The following TMEM38B variants were observed in gnomAD, a reference collection of about 807,000 sequenced individuals.
TMEM38B encodes trimeric intracellular cation channel type B.
Under a neutral mutation model 28.7 loss-of-function variants are expected in TMEM38B, and 24 were observed. That is an observed-to-expected ratio of 0.84 (90% CI 0.61 to 1.18). TMEM38B has a LOEUF of 1.18. Ranked by LOEUF, TMEM38B falls within the 50% of genes most tolerant of loss-of-function variation. The probability of loss-of-function intolerance (pLI) is 0.00; values close to 1 mark genes in which losing one functional copy is unlikely to be tolerated. For synonymous variants in TMEM38B, 131 were observed against 127.7 expected (o/e 1.03, Z -0.17); for missense variants, 380 against 350.9 (o/e 1.08, Z -0.66).
intron 5 of TMEM38B, among the ~76,000 whole-genome samples, chr9:105,754,922 A>G (rs1477090435): frequency 6.6e-6 from 1 of 152,212 alleles, no homozygotes; most frequent in Non-Finnish European, 1.5e-5. Flanking sequence ...ACAATCAGAA[A>G]TGATAACACT....
At chr9:105,757,032 T>A (rs907462894) in intron 5 of TMEM38B, among the ~76,000 whole-genome samples, 1 of 152,186 alleles carries the variant, frequency 6.6e-6, no homozygotes, top group Non-Finnish European at 1.5e-5. Flanking sequence ...CTGTACCCAA[T>A]GTGTAGTCTT....
chr9:105,759,713 T>C, intron 5 of TMEM38B: 1 of 1,599,186 alleles, frequency 6.3e-7, no homozygotes, highest in South Asian at 1.1e-5. Flanking sequence ...CAGGAATTCC[T>C]GTTGAATCTT....
chr9:105,714,620 A>G (rs1054519966), intron 2 of TMEM38B, among the ~76,000 whole-genome samples: 5 of 152,156 alleles, frequency 3.3e-5, no homozygotes, highest in African/African-American at 1.2e-4. Flanking sequence ...TGGACTAACT[A>G]TATTTCATTG....
At chr9:105,772,154 G>A (rs571231089) in intron 5 of TMEM38B, among the ~76,000 whole-genome samples, 1 of 152,280 alleles carries the variant, frequency 6.6e-6, no homozygotes, top group East Asian at 1.9e-4. Context: ...CCAGGCAGCT[G>A]GCTGCTAAAG....
At chr9:105,758,133 GC>G in intron 5 of TMEM38B, 1 of 524,242 alleles carries the variant, frequency 1.9e-6, no homozygotes, top group East Asian at 3.2e-5. Context: ...TGCCTTCGCT[GC>G]CATGGACGCC....
At chr9:105,706,539 A>G (rs1043563875) in intron 2 of TMEM38B, among the ~76,000 whole-genome samples, 1 of 152,370 alleles carries the variant, frequency 6.6e-6, no homozygotes, top group Middle Eastern at 3.4e-3. Context: ...AGTTAATCAT[A>G]TAGTGCATAA....
In TMEM38B at chr9:105,722,556, G is replaced by A. The variant is rs750450882; in HGVS notation, c.477G>A (p.Thr159=). ...TAGGTGCAGGTGGTACCATTATAAC[G>A]AATTTTGAGAGGTTGGTAAAAGGAG... ...WARGAGGTII[T]NFERLVKGDW... The change falls in exon 4 of 6, where the codon ACG becomes ACA. Residue 159 remains threonine, a synonymous_variant. Transcript: ENST00000374692. 2.5e-6 allele frequency: 4 copies of A among 1,613,548 alleles called. No individual in the cohort carries two copies. The highest frequency in any genetic ancestry group is 2.5e-6 in the Non-Finnish European group (3 of 1,179,718).
intron 4 of TMEM38B, among the ~76,000 whole-genome samples, chr9:105,743,220 T>A (rs1404835140): frequency 6.6e-6 from 1 of 152,204 alleles, no homozygotes; most frequent in Admixed American, 6.5e-5. Flanking sequence ...TACTGACACT[T>A]TGATTTTAAC....
chr9:105,704,173 G>A (rs1041909348), intron 1 of TMEM38B, among the ~76,000 whole-genome samples: 1 of 151,982 alleles, frequency 6.6e-6, no homozygotes, highest in Non-Finnish European at 1.5e-5. Context: ...CATGGCACAT[G>A]TATACATATG....
At chr9:105,727,193 A>G (rs1429060781) in intron 4 of TMEM38B, among the ~76,000 whole-genome samples, 3 of 152,128 alleles carry the variant, frequency 2.0e-5, no homozygotes, top group Non-Finnish European at 2.9e-5. Context: ...GCTTCTTTGT[A>G]TCCACTGACC....
chr9:105,764,228 C>T (rs1361124864), intron 5 of TMEM38B, among the ~76,000 whole-genome samples: 1 of 152,082 alleles, frequency 6.6e-6, no homozygotes, highest in African/African-American at 2.4e-5. Context: ...GAAGTTCTGG[C>T]TAGGGCAATT....
At chr9:105,710,607 A>G in intron 2 of TMEM38B, 5 of 782,068 alleles carry the variant, frequency 6.4e-6, no homozygotes, top group South Asian at 2.7e-5. Flanking sequence ...ACACCCTCAA[A>G]TTGAACAGAA....
At chr9:105,697,161 A>G (rs1835317332) in intron 1 of TMEM38B, among the ~76,000 whole-genome samples, 1 of 152,218 alleles carries the variant, frequency 6.6e-6, no homozygotes, top group Non-Finnish European at 1.5e-5. Flanking sequence ...ATCACAATCA[A>G]GATACTGAAC....
intron 5 of TMEM38B, among the ~76,000 whole-genome samples, chr9:105,769,724 T>TAGC (rs34087037): frequency 0.23 from 35,240 of 151,950 alleles, 6,713 homozygotes; most frequent in African/African-American, 0.51. Flanking sequence ...TGAACTTTAA[T>TAGC]AGTTTGTCTA....
rs868833554 is a variant in TMEM38B at position 105,774,839 on chromosome 9, A to T, written c.*759A>T. 1.3e-5 allele frequency: 2 copies of T among 152,024 alleles called. No homozygotes were observed. The highest frequency in any genetic ancestry group is 6.6e-5 in the Admixed American group (1 of 15,260). 9.4% of individuals were successfully genotyped at this position (152,024 alleles called of 1,614,324 possible). ...TAATTTTTAATAAATTGTTAATCCT[A>T]TGTTTTGTAATTTTCATTTTAGGAG... is the stretch of plus-strand genomic sequence containing the variant. On this transcript the variant is annotated 3_prime_UTR_variant, in exon 6 of 6. Coordinates refer to ENST00000374692, the MANE Select transcript of TMEM38B (RefSeq NM_018112.3).
intron 2 of TMEM38B, among the ~76,000 whole-genome samples, chr9:105,709,282 C>A (rs10733555): frequency 6.6e-6 from 1 of 151,898 alleles, no homozygotes. Flanking sequence ...ATATTACAGT[C>A]ACTGCACAAT....
intron 5 of TMEM38B, among the ~76,000 whole-genome samples, chr9:105,750,514 T>C (rs1837607842): frequency 6.6e-6 from 1 of 152,154 alleles, no homozygotes; most frequent in Non-Finnish European, 1.5e-5. Context: ...CTCAGGAGGC[T>C]GAGGCAGTAG....
intron 2 of TMEM38B, chr9:105,710,188 C>G (rs1835850212): frequency 2.3e-6 from 1 of 437,830 alleles, no homozygotes; most frequent in Middle Eastern, 6.9e-4. Flanking sequence ...CCACACACCC[C>G]TTTGTCACTT....
chr9:105,731,420 A>G (rs1286780644), intron 4 of TMEM38B, among the ~76,000 whole-genome samples: 1 of 151,836 alleles, frequency 6.6e-6, no homozygotes, highest in Non-Finnish European at 1.5e-5. Flanking sequence ...CTCGTCATTT[A>G]TATTAGGTAT....
Sources: allele counts gnomAD v4.1 joint callset (sites outside exome capture counted in the v4.1 genomes callset), GRCh38; gene constraint gnomAD v4.1.1; transcripts MANE v1.5; gene names NCBI Gene and HGNC (gene_info 2026-07-23, HGNC 2026-07-21).